CAMTA1: variants seen among roughly 807,000 people sequenced by gnomAD.
CAMTA1 encodes the protein calmodulin binding transcription activator 1.
CAMTA1 carries 27 observed loss-of-function variants against 170.9 expected under a neutral mutation model. The observed-to-expected ratio is 0.16, with a 90% CI of 0.12 to 0.22. The LOEUF (loss-of-function observed/expected upper bound fraction) is 0.22, where lower values mean the gene tolerates loss of function less well. CAMTA1 is among the 10% of genes least tolerant of loss of function. The pLI, the probability that CAMTA1 is intolerant of heterozygous loss-of-function variation, is 1.00. For missense variants in CAMTA1, 1,619 were observed against 2,217.2 expected, an observed-to-expected ratio of 0.73 and a Z score of 5.42; for synonymous variants, 833 against 891.5, an observed-to-expected ratio of 0.93 and a Z score of 1.17.
At chr1:6,951,145 G>C (rs1688414549) in intron 3 of CAMTA1, among the ~76,000 whole-genome samples, 1 of 152,208 alleles carries the variant, frequency 6.6e-6, no homozygotes, top group Non-Finnish European at 1.5e-5. Flanking sequence ...AGGGAAATGT[G>C]TTTGTTCCCA....
intron 4 of CAMTA1, among the ~76,000 whole-genome samples, chr1:7,178,328 G>T (rs1442706010): frequency 6.6e-6 from 1 of 152,120 alleles, no homozygotes; most frequent in Non-Finnish European, 1.5e-5. Flanking sequence ...TCCCCCGTTT[G>T]TCTCTGCCCT....
At chr1:7,133,869 A>G (rs911722486) in intron 4 of CAMTA1, among the ~76,000 whole-genome samples, 5 of 152,206 alleles carry the variant, frequency 3.3e-5, no homozygotes, top group East Asian at 1.9e-4. Flanking sequence ...ATTATTTGGT[A>G]ACAGTTTTAC....
At chr1:6,873,697 C>T (rs1356022547) in intron 3 of CAMTA1, among the ~76,000 whole-genome samples, 1 of 152,202 alleles carries the variant, frequency 6.6e-6, no homozygotes, top group African/African-American at 2.4e-5. Flanking sequence ...TTAAAGTTTT[C>T]TGCTTAATAC....
intron 3 of CAMTA1, among the ~76,000 whole-genome samples, chr1:6,947,547 A>AT (rs34801355): frequency 0.44 from 63,088 of 143,474 alleles, 13,786 homozygotes; most frequent in East Asian, 0.58. Flanking sequence ...TGCCTGACTA[A>AT]TTTTTTTTTT....
At chr1:7,410,828 C>T (rs938988873) in intron 5 of CAMTA1, among the ~76,000 whole-genome samples, 20 of 152,128 alleles carry the variant, frequency 1.3e-4, no homozygotes, top group Non-Finnish European at 2.4e-4. Context: ...GGGCGCTCTG[C>T]TGGGAGATAC....
chr1:7,158,620 C>T (rs941525574), intron 4 of CAMTA1, among the ~76,000 whole-genome samples: 7 of 152,022 alleles, frequency 4.6e-5, no homozygotes, highest in East Asian at 1.9e-4. Context: ...TAAAATGGAT[C>T]GATGAATGCA....
intron 4 of CAMTA1, among the ~76,000 whole-genome samples, chr1:7,245,393 TATATATATA>T (rs1665602223): frequency 1.3e-5 from 2 of 151,470 alleles, no homozygotes; most frequent in African/African-American, 4.8e-5. Flanking sequence ...GAGACTGTAT[TATATATATA>T]ATACATATAA....
intron 1 of CAMTA1, among the ~76,000 whole-genome samples, chr1:6,786,103 G>A (rs571952719): frequency 1.3e-5 from 2 of 152,016 alleles, no homozygotes; most frequent in East Asian, 2.0e-4. Context: ...TCTCCGGCGG[G>A]CAGGGCCAGA....
At chr1:7,556,829 AC>A (rs1439432297) in intron 6 of CAMTA1, among the ~76,000 whole-genome samples, 1 of 151,980 alleles carries the variant, frequency 6.6e-6, no homozygotes, top group Non-Finnish European at 1.5e-5. Context: ...CAAAAGGGCC[AC>A]CCCACTCAGA....
intron 5 of CAMTA1, among the ~76,000 whole-genome samples, chr1:7,351,857 C>T (rs1024863671): frequency 6.6e-6 from 1 of 152,140 alleles, no homozygotes; most frequent in African/African-American, 2.4e-5. Flanking sequence ...ATAAACAGAG[C>T]GTTATTACTA....
chr1:7,755,788 T>C (rs534456128), intron 22 of CAMTA1, 120 bp downstream of exon 22: 5 of 828,608 alleles, frequency 6.0e-6, no homozygotes, highest in Middle Eastern at 2.2e-4. Context: ...CCATTTTGAA[T>C]GAATTAAAAT....
rs1267486474 is a variant in CAMTA1, at chr1:7,113,643, T to G, written c.302+22272T>G. On this transcript the variant is annotated intron_variant, in intron 4 of 22. Transcript: ENST00000303635. The surrounding 1 kb of genome is among the most constrained non-coding windows in gnomAD (Gnocchi z 4.5). ...TTATAGATTAATTTATATTCTAACA[T>G]GGTAATGAGGAAGCGGCTTTTGTCC... 2.0e-5 allele frequency among the ~76,000 whole-genome samples: 3 copies of G among 152,224 alleles called. No homozygotes were observed. Among genetic ancestry groups the G allele is most frequent in the Non-Finnish European group, 4.4e-5 (3 of 68,034 alleles).
At chr1:7,584,999 A>G (rs1202904926) in intron 6 of CAMTA1, among the ~76,000 whole-genome samples, 1 of 152,218 alleles carries the variant, frequency 6.6e-6, no homozygotes, top group East Asian at 1.9e-4. Context: ...TAGACCATAT[A>G]TTATGTAATG....
chr1:7,498,701 G>A (rs932801602), intron 6 of CAMTA1, among the ~76,000 whole-genome samples: 1 of 152,134 alleles, frequency 6.6e-6, no homozygotes, highest in Non-Finnish European at 1.5e-5. Flanking sequence ...GTGTGTATAT[G>A]TGTGTGCACA....
At chr1:7,081,867 A>T (rs968970758) in intron 3 of CAMTA1, among the ~76,000 whole-genome samples, 2 of 152,186 alleles carry the variant, frequency 1.3e-5, no homozygotes, top group African/African-American at 4.8e-5. Context: ...TGGGAAGAAG[A>T]CTGTGTGGAC....
At chr1:7,679,575 G>GCCA (rs2096164162) in intron 11 of CAMTA1, among the ~76,000 whole-genome samples, 1 of 103,578 alleles carries the variant, frequency 9.7e-6, no homozygotes, top group Non-Finnish European at 2.2e-5. Context: ...CTCCCTAGCT[G>GCCA]CCCCCCCCCC....
chr1:7,081,917 G>A (rs181248460), intron 3 of CAMTA1, among the ~76,000 whole-genome samples: 7 of 152,336 alleles, frequency 4.6e-5, no homozygotes, highest in East Asian at 1.9e-4. Context: ...TCCTTGGGCC[G>A]CCAATTTGTG....
chr1:7,734,486 A>AG (rs1356520655), intron 12 of CAMTA1, among the ~76,000 whole-genome samples: 4 of 152,180 alleles, frequency 2.6e-5, no homozygotes. Context: ...AGTTGCCTTC[A>AG]GTAAATGTCC....
At chr1:7,022,466 A>G (rs1041717718) in intron 3 of CAMTA1, among the ~76,000 whole-genome samples, 4 of 152,146 alleles carry the variant, frequency 2.6e-5, no homozygotes, top group Admixed American at 2.0e-4. Flanking sequence ...TTAGTCTAGG[A>G]TGACATAAAG....
Sources: allele counts gnomAD v4.1 joint callset (sites outside exome capture counted in the v4.1 genomes callset), GRCh38; gene constraint gnomAD v4.1.1; non-coding constraint Gnocchi (gnomAD v3.1); transcripts MANE v1.5; gene names NCBI Gene and HGNC (gene_info 2026-07-23, HGNC 2026-07-21).